The following ERAP2 variants were observed in gnomAD, a reference collection of about 807,000 sequenced individuals.
ERAP2 encodes the protein endoplasmic reticulum aminopeptidase 2.
Under a neutral mutation model 111.1 loss-of-function variants are expected in ERAP2, and 118 were observed. The ratio of observed to expected loss-of-function variants is 1.06; its 90% CI spans 0.92 to 1.24. The LOEUF (loss-of-function observed/expected upper bound fraction) is 1.24, where lower values mean the gene tolerates loss of function less well. ERAP2 is among the 50% of genes most tolerant of loss of function. The pLI, the probability that ERAP2 is intolerant of heterozygous loss-of-function variation, is 0.00. For missense variants in ERAP2, 1,131 were observed against 1,125.8 expected (o/e 1.00, Z -0.07); for synonymous variants, 410 against 401.2 (o/e 1.02, Z -0.26).
chr5:96,896,942 C>A, intron 9 of ERAP2, 79 bp downstream of exon 9: 1 of 1,410,832 alleles, frequency 7.1e-7, no homozygotes, highest in Non-Finnish European at 9.4e-7. Context: ...TTATAAATAG[C>A]TATATATTGT....
At chr5:96,882,318 G>T (rs80159277) in intron 2 of ERAP2, among the ~76,000 whole-genome samples, 1,866 of 152,272 alleles carry the variant, frequency 0.012, 18 homozygotes, top group Non-Finnish European at 0.018. Flanking sequence ...GGAGATGAGA[G>T]GGGGAGATAT....
intron 3 of ERAP2, among the ~76,000 whole-genome samples, 157 bp from the exon 4 acceptor site, chr5:96,886,498 G>C (rs1245455471): frequency 6.6e-6 from 1 of 152,214 alleles, no homozygotes; most frequent in Non-Finnish European, 1.5e-5. Flanking sequence ...GGTAAGAGAG[G>C]CTACAGAATA....
chr5:96,903,922 C>T (rs543257505), intron 13 of ERAP2, among the ~76,000 whole-genome samples: 1 of 152,328 alleles, frequency 6.6e-6, no homozygotes, highest in South Asian at 2.1e-4. Context: ...CTCCCAAGCA[C>T]CAAAGTCCCA....
intron 9 of ERAP2, 128 bp downstream of exon 9, chr5:96,896,991 G>T: frequency 2.9e-6 from 1 of 349,414 alleles, no homozygotes; most frequent in Non-Finnish European, 3.9e-6. Flanking sequence ...TGTTGTCATG[G>T]TCTATAGAAG....
At chr5:96,912,939 G>T in intron 16 of ERAP2, 141 bp downstream of exon 16, 1 of 671,784 alleles carries the variant, frequency 1.5e-6, no homozygotes, top group South Asian at 2.1e-5. Flanking sequence ...TTTCAGAAAA[G>T]AATATATTGA....
At chr5:96,913,200 A>C (rs1470410769) in intron 16 of ERAP2, 117 bp from the exon 17 acceptor site, 9 of 757,854 alleles carry the variant, frequency 1.2e-5, no homozygotes, top group Non-Finnish European at 1.8e-5. Context: ...AAAAATTGGT[A>C]ATTATACTTT....
rs1321126590 is a variant in ERAP2 at position 96,901,513 on chromosome 5, T to G, written c.1580T>G (p.Phe527Cys). Residue 527 changes from phenylalanine to cysteine, a missense_variant, in exon 11 of 19, where the codon TTT becomes TGT. Physicochemically the swap from Phe to Cys is radical, Grantham distance 205. Coordinates refer to ENST00000437043, the MANE Select transcript of ERAP2 (RefSeq NM_022350.5). ...DPKMTSNMLA[F>C]LGENAEVKEM... ...AGTCACCTGTCATTTCAGCTCGCCT[T>G]TCTGGGGGAAAATGCAGAGGTCAAA... 6.2e-7 allele frequency: 1 copy of G among 1,613,356 alleles called. No individual in the cohort carries two copies. The highest frequency in any genetic ancestry group is 8.5e-7 in the Non-Finnish European group (1 of 1,179,500).
chr5:96,913,438 T>C lies in ERAP2; in HGVS notation c.2638T>C (p.Trp880Arg), dbSNP rs750757536. 1.9e-6 allele frequency: 3 copies of C among 1,614,088 alleles called. No homozygotes were observed. The highest frequency in any genetic ancestry group is 1.7e-5 in the Admixed American group (1 of 60,016). ...AGCATGGGATTTTGTAAGAGAAAAT[T>C]GGACCCATCTTCTGAAAAAGTTGGT... is the stretch of plus-strand genomic sequence containing the variant. ...QLAWDFVREN[W>R]THLLKKFDLG... The change falls in exon 17 of 19, where the codon TGG (tryptophan) becomes CGG (arginine). Residue 880 changes from tryptophan (W) to arginine (R), a missense_variant. By Grantham distance (101) the Trp-to-Arg change is moderately radical (BLOSUM62 -3). Around this residue, in one of 3 missense-constraint regions of ERAP2, gnomAD observed 279 missense variants for 250.9 expected, o/e 1.11. Transcript: ENST00000437043.
intron 14 of ERAP2, 26 bp downstream of exon 14, chr5:96,909,143 T>G (rs946907030): frequency 2.5e-6 from 4 of 1,607,114 alleles, no homozygotes; most frequent in Non-Finnish European, 3.4e-6. Context: ...AGAAAATGTA[T>G]TAAGTAAATA....
At chr5:96,909,328 A>G (rs974401498) in intron 14 of ERAP2, among the ~76,000 whole-genome samples, 3 of 152,180 alleles carry the variant, frequency 2.0e-5, no homozygotes, top group Non-Finnish European at 4.4e-5. Flanking sequence ...CATCTCTACT[A>G]AAGGTGATTT....
intron 13 of ERAP2, among the ~76,000 whole-genome samples, chr5:96,906,352 A>C (rs1403327836): frequency 2.0e-5 from 3 of 152,000 alleles, no homozygotes; most frequent in Non-Finnish European, 2.9e-5. Flanking sequence ...CTGCAGCCTC[A>C]ACCTCCTGGG....
intron 18 of ERAP2, among the ~76,000 whole-genome samples, chr5:96,916,779 T>TTTA (rs1787461264): frequency 2.0e-5 from 3 of 150,142 alleles, no homozygotes; most frequent in Non-Finnish European, 4.4e-5. Context: ...TTTTTTTTTT[T>TTTA]AAAGCATTAT....
Position 96,895,253 on chromosome 5 carries a change from G to A in ERAP2, c.1133G>A (p.Gly378Asp). The change falls in exon 7 of 19, where the codon GGC (glycine) becomes GAC (aspartate). Residue 378 changes from glycine (G) to aspartate (D), a missense_variant. This residue lies in a region of ERAP2 where 847 missense variants were observed against 856.5 expected (regional missense o/e 0.99). Transcript: ENST00000437043. ...TGAGTTTTTACCTCCTAGTGGTTTG[G>A]CAACCTGGTCACAATGGAATGGTGG... ...IAHELAHQWF[G>D]NLVTMEWWND... 6.2e-7 allele frequency: 1 copy of A among 1,605,356 alleles called. No individual in the cohort carries two copies. The highest frequency in any genetic ancestry group is 2.2e-5 in the East Asian group (1 of 44,706).
Position 96,886,723 on chromosome 5 carries a change from A to T in ERAP2, c.783A>T (p.Thr261=), listed in dbSNP as rs753558889. The T allele has an allele frequency of 6.4e-7, 1 of 1,554,476 alleles. No homozygotes were observed. The highest frequency in any genetic ancestry group is 8.8e-7 in the Non-Finnish European group (1 of 1,139,024). ...DHFETTVKMS[T]YLVAYIVCDF... ...TTGAAACTACTGTAAAAATGAGTAC[A>T]TACCTTGTAGCCTACATAGTTTGTG... The change falls in exon 4 of 19, where the codon ACA becomes ACT. Residue 261 remains threonine, a synonymous_variant. Transcript: ENST00000437043.
At chr5:96,900,710 T>C (rs956493029) in intron 10 of ERAP2, among the ~76,000 whole-genome samples, 1 of 152,174 alleles carries the variant, frequency 6.6e-6, no homozygotes, top group Non-Finnish European at 1.5e-5. Context: ...AAAGTCTCAC[T>C]CTGTTGCCCA....
At chr5:96,877,731 A>ATT (rs36182209) in intron 1 of ERAP2, among the ~76,000 whole-genome samples, 2 of 151,740 alleles carry the variant, frequency 1.3e-5, no homozygotes, top group Non-Finnish European at 2.9e-5. Context: ...AAGCCACTCC[A>ATT]TTTTTTTTAA....
rs1786405024 is a variant in ERAP2, at chr5:96,908,977, C to A, written c.2029C>A (p.Leu677Ile). 1 of 1,614,094 alleles carries A rather than the reference C, an allele frequency of 6.2e-7. No individual in the cohort carries two copies. Among genetic ancestry groups the A allele is most frequent in the Non-Finnish European group, 8.5e-7 (1 of 1,179,978 alleles). Residue 677 changes from leucine to isoleucine, a missense_variant, in exon 14 of 19, where the codon CTA becomes ATA. Leu to Ile is a conservative substitution (Grantham distance 5, BLOSUM62 2). Around this residue, in one of 3 missense-constraint regions of ERAP2, gnomAD observed 847 missense variants for 856.5 expected, o/e 0.99. Transcript: ENST00000437043. ...ATACTTCAGTGCAGGGAGACTGACC[C>A]TAGACAAAGCTCTTGACATGACTTA... ...FQLVGAGRLT[L>I]DKALDMTYYL...
At chr5:96,877,786 T>G (rs1372702490) in intron 1 of ERAP2, among the ~76,000 whole-genome samples, 1 of 152,216 alleles carries the variant, frequency 6.6e-6, no homozygotes, top group African/African-American at 2.4e-5. Context: ...AGTGTACTTA[T>G]CAGACGTTCT....
chr5:96,892,452 AG>A lies in ERAP2; in HGVS notation c.1125+1del, dbSNP rs1202598558. 7.4e-6 allele frequency: 12 copies of A among 1,613,718 alleles called. No individual in the cohort carries two copies. Among genetic ancestry groups the A allele is most frequent in the Non-Finnish European group, 1.0e-5 (12 of 1,179,808 alleles). On this transcript the variant is annotated frameshift_variant and splice_region_variant, in exon 6 of 19. Coordinates refer to ENST00000437043, the MANE Select transcript of ERAP2 (RefSeq NM_022350.5). LOFTEE classifies it high-confidence loss of function. ...TRVIAHELAH[Q>X]WFGNLVTMEW... ...GTCATAGCCCATGAACTGGCGCACC[AG>A]GTACTTGGCACTCATGACATTATCT...
Sources: allele counts gnomAD v4.1 joint callset (sites outside exome capture counted in the v4.1 genomes callset), GRCh38; gene constraint gnomAD v4.1.1; regional missense constraint gnomAD v4.1.1; transcripts MANE v1.5; gene names NCBI Gene and HGNC (gene_info 2026-07-23, HGNC 2026-07-21).